MAPK10: variants seen among roughly 807,000 people sequenced by gnomAD.
MAPK10 encodes the protein JNK3 alpha protein kinase.
Under a neutral mutation model 59.3 loss-of-function variants are expected in MAPK10, and 25 were observed. That is an observed-to-expected ratio of 0.42 (90% CI 0.31 to 0.59). The LOEUF is 0.59. Among genes scored for constraint, MAPK10 ranks in the 20% least tolerant of loss-of-function variants. The pLI, the probability that MAPK10 is intolerant of heterozygous loss-of-function variation, is 0.15. For synonymous variants in MAPK10, 190 were observed against 200.5 expected (o/e 0.95, Z 0.44); for missense variants, 351 against 568.9 (o/e 0.62, Z 3.90).
At chr4:86,098,732 A>C (rs1030276626) in intron 8 of MAPK10, 137 bp from the exon 9 acceptor site, 12 of 700,310 alleles carry the variant, frequency 1.7e-5, no homozygotes, top group Non-Finnish European at 3.0e-5. Flanking sequence ...AGTTGGCCAA[A>C]ATGTGAATTC....
At chr4:86,586,550 AAG>A (rs1207488877) in intron 1 of MAPK10, among the ~76,000 whole-genome samples, 1 of 152,246 alleles carries the variant, frequency 6.6e-6, no homozygotes, top group Non-Finnish European at 1.5e-5. Context: ...TTAACGTGTG[AAG>A]AGAGAAAGCT....
In MAPK10 at chr4:86,254,963, C is replaced by T. The variant is rs555249741; in HGVS notation, c.-6-60556G>A. Among the ~76,000 whole-genome samples the T allele has an allele frequency of 1.1e-4, 16 of 152,088 alleles. No individual in the cohort carries two copies. In the South Asian group the frequency reaches 2.1e-3, roughly 20 times the overall value. On this transcript the variant is annotated intron_variant, in intron 2 of 13. Coordinates refer to ENST00000641462, the MANE Select transcript of MAPK10 (RefSeq NM_138982.4). ...GATAAGCTAACATCCAAATGCAGTT[C>T]CTTTATGAAGATGTAACATAAAAGT...
rs368114892 is a variant in MAPK10 at position 86,589,755 on chromosome 4, T to C, written c.-263+4155A>G. On this transcript the variant is annotated intron_variant, in intron 1 of 4. Transcript: ENST00000502302. ...CTTCTAGAAGCTAAACCTACAGATGTACACCACATGTAAGCCAGAATCGTT... is the reference window on the plus strand; with the variant it reads ...CTTCTAGAAGCTAAACCTACAGATGCACACCACATGTAAGCCAGAATCGTT... Among the ~76,000 whole-genome samples, 19 of 151,886 alleles carry C rather than the reference T, an allele frequency of 1.3e-4. No homozygotes were observed. In the East Asian group the frequency reaches 1.4e-3, roughly 11 times the overall value.
chr4:86,220,305 T>G (rs1434241867), intron 2 of MAPK10, among the ~76,000 whole-genome samples: 2 of 151,938 alleles, frequency 1.3e-5, no homozygotes, highest in Admixed American at 6.6e-5. Flanking sequence ...CTTATGAGAG[T>G]TACTCATGCT....
intron 1 of MAPK10, among the ~76,000 whole-genome samples, chr4:86,586,031 C>T (rs193129494): frequency 3.0e-4 from 46 of 152,272 alleles, no homozygotes; most frequent in African/African-American, 1.0e-3. Context: ...TTTCTGGGAA[C>T]ACTTTTACAA....
chr4:86,218,741 C>T (rs1401718462), intron 2 of MAPK10, among the ~76,000 whole-genome samples: 1 of 152,084 alleles, frequency 6.6e-6, no homozygotes, highest in Non-Finnish European at 1.5e-5. Flanking sequence ...AGGTGCTGAA[C>T]TTACATGAAC....
chr4:86,367,609 T>C (rs1039548686), intron 1 of MAPK10, among the ~76,000 whole-genome samples: 1 of 152,060 alleles, frequency 6.6e-6, no homozygotes, highest in African/African-American at 2.4e-5. Flanking sequence ...ATTTAATCCC[T>C]GTACCCTCAC....
At chr4:86,248,112 A>G (rs552555331) in intron 2 of MAPK10, among the ~76,000 whole-genome samples, 7 of 152,318 alleles carry the variant, frequency 4.6e-5, no homozygotes, top group Middle Eastern at 3.4e-3. Context: ...CAAAAAGCGC[A>G]AAGAAGTACT....
At chr4:86,183,550 T>C (rs1257995851) in intron 3 of MAPK10, among the ~76,000 whole-genome samples, 2 of 152,058 alleles carry the variant, frequency 1.3e-5, no homozygotes, top group African/African-American at 2.4e-5. Context: ...TGTTGGACAT[T>C]TGGGTTGGTT....
chr4:86,381,279 TG>T (rs1275889233), intron 1 of MAPK10, among the ~76,000 whole-genome samples: 2 of 152,158 alleles, frequency 1.3e-5, no homozygotes, highest in African/African-American at 4.8e-5. Flanking sequence ...TGGAAGTTTG[TG>T]TTTCCCAAAC....
At chr4:86,103,075 C>CTGTGTATG (rs1553989215) in intron 6 of MAPK10, 111 bp downstream of exon 6, 55 of 498,700 alleles carry the variant, frequency 1.1e-4, no homozygotes, top group Middle Eastern at 4.5e-4. Context: ...GATTTCAACT[C>CTGTGTATG]TGTGTGTGTG....
Position 86,285,802 on chromosome 4 carries a change from C to A in MAPK10, c.-7+68728G>T, listed in dbSNP as rs72865390. Among the ~76,000 whole-genome samples, 156 of 152,304 alleles carry A rather than the reference C, an allele frequency of 1.0e-3. 1 individual carries two copies. The highest frequency in any genetic ancestry group is 0.01 in the Middle Eastern group (3 of 294). On this transcript the variant is annotated intron_variant, in intron 2 of 13. Coordinates refer to ENST00000641462, the MANE Select transcript of MAPK10 (RefSeq NM_138982.4). ...AACCAGTGGTATAATTCAGCCCAAG[C>A]CCAGAGGTCTGAGAACCAGGGAAGC...
At chr4:86,031,689 G>A (rs916368034) in intron 11 of MAPK10, 16 of 392,358 alleles carry the variant, frequency 4.1e-5, no homozygotes, top group African/African-American at 1.2e-4. Flanking sequence ...CTCACTTTCC[G>A]ACATCTTCTG....
At chr4:86,292,866 C>T (rs566061261) in intron 2 of MAPK10, among the ~76,000 whole-genome samples, 48 of 152,248 alleles carry the variant, frequency 3.2e-4, no homozygotes, top group African/African-American at 1.1e-3. Context: ...GGTCTCTGGT[C>T]TCATAACTAT....
chr4:86,306,361 G>T (rs922167755), intron 2 of MAPK10, among the ~76,000 whole-genome samples: 3 of 152,172 alleles, frequency 2.0e-5, no homozygotes, highest in African/African-American at 7.2e-5. Flanking sequence ...ATTCCAGAAA[G>T]GATGAGCATG....
intron 1 of MAPK10, among the ~76,000 whole-genome samples, chr4:86,391,215 T>G (rs1255044892): frequency 1.3e-5 from 2 of 152,226 alleles, no homozygotes; most frequent in Non-Finnish European, 2.9e-5. Context: ...AAATTATATT[T>G]GAAGTTCTCA....
Position 86,159,600 on chromosome 4 carries a change from GA to G in MAPK10, c.67-134del, listed in dbSNP as rs370968823. On this transcript the variant is annotated intron_variant, in intron 3 of 13. Coordinates refer to ENST00000641462, the MANE Select transcript of MAPK10 (RefSeq NM_138982.4). ...TCATCTAGTTCATGAAGTTCACATAGAAAAAAAATATGTATCAGTCCATGCA... is the reference window on the plus strand; with the variant it reads ...TCATCTAGTTCATGAAGTTCACATAGAAAAAAATATGTATCAGTCCATGCA... 7.8e-3 allele frequency: 5,096 copies of G among 656,898 alleles called. 37 individuals carry two copies. The highest frequency in any genetic ancestry group is 0.02 in the Middle Eastern group (48 of 2,410). 40.7% of individuals were successfully genotyped at this position (656,898 alleles called of 1,614,324 possible).
chr4:86,152,301 C>T (rs2066675349), intron 4 of MAPK10: 1 of 151,862 alleles, frequency 6.6e-6, no homozygotes, highest in South Asian at 2.1e-4. Context: ...AAGAAGAGCA[C>T]AGCACAAGAA....
intron 9 of MAPK10, chr4:86,090,298 CACTT>C (rs923301309): frequency 6.6e-6 from 1 of 152,036 alleles, no homozygotes; most frequent in African/African-American, 2.4e-5. Flanking sequence ...AATTTTGCTC[CACTT>C]ACTTTTCAAA....
Sources: gnomAD v4.1 joint callset for allele counts (sites outside exome capture counted in the v4.1 genomes callset) on GRCh38, gnomAD v4.1.1 for gene constraint, MANE v1.5 for transcripts, NCBI Gene and HGNC (gene_info 2026-07-23, HGNC 2026-07-21) for gene names.